TSHZ2: variants seen among roughly 807,000 people sequenced by gnomAD.
TSHZ2 encodes the protein teashirt homolog 2.
A neutral mutation model predicts 74.4 loss-of-function variants in TSHZ2; 21 were observed. The observed-to-expected ratio is 0.28, with a 90% CI of 0.20 to 0.41. The LOEUF (loss-of-function observed/expected upper bound fraction) is 0.41. Ranked by LOEUF, TSHZ2 falls within the 10% of genes least tolerant of loss-of-function variation. TSHZ2 has a pLI of 1.00. For missense variants in TSHZ2, 1,244 were observed against 1,293.5 expected (o/e 0.96, Z 0.59); for synonymous variants, 540 against 515.3 (o/e 1.05, Z -0.65).
intron 2 of TSHZ2, among the ~76,000 whole-genome samples, chr20:53,274,635 T>A (rs777039967): frequency 3.7e-4 from 56 of 152,240 alleles, no homozygotes; most frequent in Non-Finnish European, 4.7e-4. Context: ...TTGCAATCCA[T>A]AATTGTAACC....
Position 53,059,232 on chromosome 20 carries a change from T to A in TSHZ2, c.40+85899T>A, listed in dbSNP as rs186271454. On this transcript the variant is annotated intron_variant, in intron 1 of 2. Transcript: ENST00000371497. ...CATTTGAACAAATTAGTGAGACTTTTAAGGCATGTTGTTGGATTGAGCTAA... is the reference window on the plus strand; with the variant it reads ...CATTTGAACAAATTAGTGAGACTTTAAAGGCATGTTGTTGGATTGAGCTAA... Among the ~76,000 whole-genome samples the A allele has an allele frequency of 1.9e-3, 284 of 152,342 alleles. 1 individual carries two copies. Among genetic ancestry groups the A allele is most frequent in the African/African-American group, 6.6e-3 (275 of 41,580 alleles).
At chr20:53,383,274 G>C (rs6022433) in intron 2 of TSHZ2, among the ~76,000 whole-genome samples, 24 of 142,924 alleles carry the variant, frequency 1.7e-4, no homozygotes, top group Admixed American at 6.1e-4. Flanking sequence ...AAAAAAAAAA[G>C]AAAAAAAGAA....
chr20:53,127,567 T>C (rs1986981508), intron 1 of TSHZ2, among the ~76,000 whole-genome samples: 1 of 152,106 alleles, frequency 6.6e-6, no homozygotes, highest in African/African-American at 2.4e-5. Context: ...ATAGAAAGAA[T>C]GGGCTACTTT....
intron 1 of TSHZ2, among the ~76,000 whole-genome samples, chr20:53,172,741 C>T (rs1012038108): frequency 9.9e-5 from 15 of 152,176 alleles, no homozygotes; most frequent in African/African-American, 3.4e-4. Context: ...TAAAGCTTCA[C>T]GGCTAGAAAG....
At position 52,973,284 on chromosome 20, in the gene TSHZ2, G is replaced by A. The variant is rs988423806; in HGVS notation, c.-10G>A. On this transcript the variant is annotated 5_prime_UTR_variant, in exon 1 of 3. Transcript: ENST00000371497. ...GGGGCGCCAGAAGTGGGACTGGAGC[G>A]AAGTAGAGGATGCCGAGGAGAAAAC... 1 of 1,552,820 alleles carries A rather than the reference G, an allele frequency of 6.4e-7. No individual in the cohort carries two copies. The highest frequency in any genetic ancestry group is 1.4e-5 in the African/African-American group (1 of 73,366).
At chr20:53,036,435 TACATACAC>T (rs1406898714) in intron 1 of TSHZ2, among the ~76,000 whole-genome samples, 1 of 151,784 alleles carries the variant, frequency 6.6e-6, no homozygotes, top group Admixed American at 6.6e-5. Context: ...TATGCACGTA[TACATACAC>T]ACATATATAC....
chr20:53,101,393 T>C (rs1040982542), intron 1 of TSHZ2, among the ~76,000 whole-genome samples: 1 of 152,228 alleles, frequency 6.6e-6, no homozygotes, highest in African/African-American at 2.4e-5. Context: ...TTATTCCTTA[T>C]TGCGTTGCAA....
chr20:53,062,287 T>C (rs1474235606), intron 1 of TSHZ2, among the ~76,000 whole-genome samples: 1 of 152,188 alleles, frequency 6.6e-6, no homozygotes. Context: ...AATTGTAAAG[T>C]GCAGTATAAA....
chr20:53,444,673 CATTCT>C (rs1984483283), intron 2 of TSHZ2, among the ~76,000 whole-genome samples: 1 of 152,198 alleles, frequency 6.6e-6, no homozygotes, highest in African/African-American at 2.4e-5. Context: ...TCTCCGTGGA[CATTCT>C]AGCCCGGGAA....
At chr20:53,449,935 T>TTAAG (rs1306960650) in intron 2 of TSHZ2, among the ~76,000 whole-genome samples, 4 of 152,226 alleles carry the variant, frequency 2.6e-5, no homozygotes, top group Admixed American at 2.6e-4. Flanking sequence ...TCACCAGATT[T>TTAAG]TAAGTTTGTT....
intron 1 of TSHZ2, among the ~76,000 whole-genome samples, chr20:53,104,047 A>G (rs1202239238): frequency 2.0e-5 from 3 of 152,140 alleles, no homozygotes; most frequent in African/African-American, 7.2e-5. Context: ...GTTGCTGGCA[A>G]TTTGCATGGT....
intron 2 of TSHZ2, among the ~76,000 whole-genome samples, chr20:53,352,447 G>A (rs1310514481): frequency 1.3e-5 from 2 of 151,914 alleles, no homozygotes; most frequent in African/African-American, 4.8e-5. Context: ...CTTCCCATAT[G>A]CACTTCATCA....
At chr20:53,375,057 T>C (rs1227353124) in intron 2 of TSHZ2, among the ~76,000 whole-genome samples, 1 of 152,184 alleles carries the variant, frequency 6.6e-6, no homozygotes, top group Non-Finnish European at 1.5e-5. Context: ...TATACACATG[T>C]GTACATACAC....
intron 2 of TSHZ2, among the ~76,000 whole-genome samples, chr20:53,381,485 G>A (rs908921771): frequency 1.3e-5 from 2 of 152,194 alleles, no homozygotes; most frequent in African/African-American, 4.8e-5. Flanking sequence ...AAGGAAACAA[G>A]CAATTAAATG....
chr20:53,307,489 G>A (rs1426857893), intron 2 of TSHZ2, among the ~76,000 whole-genome samples: 2 of 152,142 alleles, frequency 1.3e-5, no homozygotes, highest in African/African-American at 2.4e-5. Context: ...CAGGCCATTA[G>A]AACTTAATTG....
chr20:53,467,946 C>T (rs556854723), intron 2 of TSHZ2, among the ~76,000 whole-genome samples: 6 of 151,870 alleles, frequency 4.0e-5, no homozygotes, highest in Non-Finnish European at 5.9e-5. Flanking sequence ...GCAACAGAGA[C>T]GACAGGAGGT....
At chr20:52,987,002 C>T (rs1225462006) in intron 1 of TSHZ2, among the ~76,000 whole-genome samples, 1 of 151,474 alleles carries the variant, frequency 6.6e-6, no homozygotes, top group African/African-American at 2.4e-5. Context: ...CACTGCAATG[C>T]CAGGGCAGGG....
At position 53,287,268 on chromosome 20, in the gene TSHZ2, GAATTGTCTGTTCTCT is replaced by G. The variant is rs540528632; in HGVS notation, c.*8+30713_*8+30727del. On this transcript the variant is annotated intron_variant, in intron 2 of 2. Coordinates refer to ENST00000371497, the MANE Select transcript of TSHZ2 (RefSeq NM_173485.6). ...ATGGCACTTCTCTAATTGTTCATTT[GAATTGTCTGTTCTCT>G]AATTGTCTGTTCTCTTGCTGGTCTT... is the stretch of plus-strand genomic sequence containing the variant. Among the ~76,000 whole-genome samples, 392 of 152,208 alleles carry G rather than the reference GAATTGTCTGTTCTCT, an allele frequency of 2.6e-3. 3 individuals are homozygous for G. The highest frequency in any genetic ancestry group is 8.8e-3 in the African/African-American group (365 of 41,556).
intron 2 of TSHZ2, among the ~76,000 whole-genome samples, chr20:53,438,803 T>C (rs917029102): frequency 1.3e-5 from 2 of 151,980 alleles, no homozygotes; most frequent in Admixed American, 6.6e-5. Context: ...TCTACAAAAA[T>C]TACGAAATTA....
Sources: allele counts gnomAD v4.1 joint callset (sites outside exome capture counted in the v4.1 genomes callset), GRCh38; gene constraint gnomAD v4.1.1; transcripts MANE v1.5; gene names NCBI Gene and HGNC (gene_info 2026-07-23, HGNC 2026-07-21).